The following ANO2 variants were observed in gnomAD, a reference collection of about 807,000 sequenced individuals.
ANO2 encodes anoctamin-2.
Under a neutral mutation model 124.2 loss-of-function variants are expected in ANO2, and 101 were observed. The ratio of observed to expected loss-of-function variants is 0.81; its 90% confidence interval spans 0.69 to 0.96. The LOEUF (loss-of-function observed/expected upper bound fraction) is 0.96. Among genes scored for constraint, ANO2 ranks in the 40% least tolerant of loss-of-function variants. ANO2 has a pLI of 0.00. For missense variants in ANO2, 1,293 were observed against 1,274.5 expected (o/e 1.01, Z -0.22); for synonymous variants, 486 against 482.5 (o/e 1.01, Z -0.09).
At chr12:5,648,631 G>T (rs1946762689) in intron 14 of ANO2, among the ~76,000 whole-genome samples, 1 of 152,182 alleles carries the variant, frequency 6.6e-6, no homozygotes, top group African/African-American at 2.4e-5. Flanking sequence ...AAACAGCTCT[G>T]CTGTATAAAT....
chr12:5,591,081 G>C (rs1943373547), intron 20 of ANO2, among the ~76,000 whole-genome samples: 1 of 152,236 alleles, frequency 6.6e-6, no homozygotes, highest in Non-Finnish European at 1.5e-5. Context: ...TCGGAAGGCT[G>C]AGGCAGGAGA....
chr12:5,695,204 A>T (rs1485019252), intron 14 of ANO2, among the ~76,000 whole-genome samples: 2 of 152,146 alleles, frequency 1.3e-5, no homozygotes, highest in Non-Finnish European at 2.9e-5. Flanking sequence ...ACCACTCCTG[A>T]CTCAATACCG....
intron 3 of ANO2, among the ~76,000 whole-genome samples, chr12:5,919,123 G>C (rs1206561195): frequency 5.3e-5 from 8 of 152,204 alleles, no homozygotes; most frequent in Admixed American, 5.2e-4. Flanking sequence ...ATTCCAGGTG[G>C]CAATGCTGAG....
At chr12:5,576,521 G>A (rs1186240903) in intron 22 of ANO2, among the ~76,000 whole-genome samples, 1 of 152,146 alleles carries the variant, frequency 6.6e-6, no homozygotes, top group Non-Finnish European at 1.5e-5. Flanking sequence ...ACACTTTTTA[G>A]CATGTCATGT....
intron 10 of ANO2, among the ~76,000 whole-genome samples, chr12:5,759,632 G>A (rs1951681975): frequency 6.7e-6 from 1 of 149,188 alleles, no homozygotes; most frequent in Non-Finnish European, 1.5e-5. Context: ...CACTTCTTAT[G>A]AGAATCTAAT....
chr12:5,888,714 T>C (rs887183865), intron 3 of ANO2, among the ~76,000 whole-genome samples: 12 of 152,284 alleles, frequency 7.9e-5, no homozygotes, highest in Admixed American at 2.6e-4. Context: ...AGGGTGCTGA[T>C]TGGTGTGTTT....
At chr12:5,585,022 A>C (rs927160647) in intron 20 of ANO2, among the ~76,000 whole-genome samples, 2 of 152,060 alleles carry the variant, frequency 1.3e-5, no homozygotes, top group African/African-American at 2.4e-5. Flanking sequence ...ATGGACATGG[A>C]AACAATCCTT....
chr12:5,828,415 G>C (rs904697691), intron 6 of ANO2, among the ~76,000 whole-genome samples: 3 of 152,220 alleles, frequency 2.0e-5, no homozygotes, highest in Admixed American at 1.3e-4. Flanking sequence ...CCTGCTCGGG[G>C]ACGCCAGCCA....
At position 5,647,801 on chromosome 12, in the gene ANO2, C is replaced by T. The variant is rs369795691; in HGVS notation, c.1546G>A (p.Asp516Asn). 3 of 1,607,960 alleles carry T rather than the reference C, an allele frequency of 1.9e-6. No homozygotes were observed. Among genetic ancestry groups the T allele is most frequent in the Non-Finnish European group, 2.5e-6 (3 of 1,177,248 alleles). Residue 516 changes from aspartate to asparagine, a missense_variant and splice_region_variant, in exon 15 of 25, where the codon GAT becomes AAT. By Grantham distance (23) the Asp-to-Asn change is conservative. Transcript: ENST00000682330. ...TTCCAGGTCAGTTTATCTTCATCAT[C>T]CTGGGGAGAAACGGGAGAGTAGAGA... is the stretch of plus-strand genomic sequence containing the variant. ...ETNTTECGDE[D>N]DEDKLTWKDR... is the part of the protein sequence containing the mutation.
intron 12 of ANO2, among the ~76,000 whole-genome samples, chr12:5,743,229 G>A (rs962878981): frequency 6.6e-5 from 10 of 151,726 alleles, no homozygotes; most frequent in African/African-American, 1.7e-4. Context: ...TCCTCTGGGC[G>A]CCATGGAGTC....
intron 14 of ANO2, among the ~76,000 whole-genome samples, chr12:5,708,890 C>G (rs185052883): frequency 1.3e-5 from 2 of 152,312 alleles, no homozygotes; most frequent in Admixed American, 1.3e-4. Context: ...AGTCCCACAC[C>G]ATTTGTGTCA....
At chr12:5,672,864 T>C (rs1948078419) in intron 14 of ANO2, among the ~76,000 whole-genome samples, 1 of 152,176 alleles carries the variant, frequency 6.6e-6, no homozygotes, top group Non-Finnish European at 1.5e-5. Context: ...CAACACGACT[T>C]TCTTTTTGTT....
intron 14 of ANO2, among the ~76,000 whole-genome samples, chr12:5,715,006 CTAAAG>C (rs1384466992): frequency 6.6e-6 from 1 of 151,858 alleles, no homozygotes; most frequent in East Asian, 1.9e-4. Flanking sequence ...AAGAATGGTA[CTAAAG>C]TAAAGAACAT....
At chr12:5,817,003 T>C (rs1018472157) in intron 7 of ANO2, among the ~76,000 whole-genome samples, 1 of 152,132 alleles carries the variant, frequency 6.6e-6, no homozygotes, top group South Asian at 2.1e-4. Context: ...AAATTATAAA[T>C]ACAACTCAAA....
At chr12:5,613,878 C>T (rs1365050704) in intron 17 of ANO2, among the ~76,000 whole-genome samples, 4 of 152,138 alleles carry the variant, frequency 2.6e-5, no homozygotes, top group Admixed American at 6.5e-5. Context: ...GCTACTGCCA[C>T]GAAATCGACA....
intron 20 of ANO2, among the ~76,000 whole-genome samples, chr12:5,581,109 G>A (rs1942729394): frequency 6.6e-6 from 1 of 152,200 alleles, no homozygotes; most frequent in Non-Finnish European, 1.5e-5. Context: ...AGGGTGTGGG[G>A]ATGAATGGAA....
intron 15 of ANO2, among the ~76,000 whole-genome samples, chr12:5,637,990 C>T (rs1292741931): frequency 6.6e-6 from 1 of 152,114 alleles, no homozygotes; most frequent in East Asian, 1.9e-4. Flanking sequence ...GACTACAATG[C>T]TACTCTTCTG....
intron 7 of ANO2, among the ~76,000 whole-genome samples, chr12:5,816,106 C>T (rs1005829721): frequency 2.6e-5 from 4 of 151,562 alleles, no homozygotes; most frequent in Non-Finnish European, 5.9e-5. Flanking sequence ...AATGAAAACA[C>T]CTACGATTCC....
chr12:5,847,915 C>T (rs913041796), intron 4 of ANO2, among the ~76,000 whole-genome samples: 1 of 152,164 alleles, frequency 6.6e-6, no homozygotes, highest in Non-Finnish European at 1.5e-5. Context: ...GTTTAGTAGA[C>T]ATAAACATTT....
Sources: gnomAD v4.1 joint callset for allele counts (sites outside exome capture counted in the v4.1 genomes callset) on GRCh38, gnomAD v4.1.1 for gene constraint, MANE v1.5 for transcripts, NCBI Gene and HGNC (gene_info 2026-07-23, HGNC 2026-07-21) for gene names.